NAALADL2: variants seen among roughly 807,000 people sequenced by gnomAD.
NAALADL2 encodes inactive N-acetylated-alpha-linked acidic dipeptidase-like protein 2.
NAALADL2 carries 76 observed loss-of-function variants against 87.2 expected under a neutral mutation model. The observed-to-expected ratio is 0.87, with a 90% confidence interval of 0.72 to 1.05. NAALADL2 has a LOEUF of 1.05. NAALADL2 is among the 50% of genes least tolerant of loss of function. The pLI, the probability that NAALADL2 is intolerant of heterozygous loss-of-function variation, is 0.00. For synonymous variants in NAALADL2, 354 were observed against 331.0 expected, an observed-to-expected ratio of 1.07 and a Z score of -0.75; for missense variants, 1,089 against 945.8, an observed-to-expected ratio of 1.15 and a Z score of -1.99.
At chr3:175,784,340 T>C (rs574382842) in intron 13 of NAALADL2, among the ~76,000 whole-genome samples, 5 of 152,176 alleles carry the variant, frequency 3.3e-5, no homozygotes, top group South Asian at 4.2e-4. Flanking sequence ...TCCTGGACTA[T>C]TTTTGGTTGG....
intron 7 of NAALADL2, among the ~76,000 whole-genome samples, chr3:175,465,334 T>A (rs765672461): frequency 2.0e-5 from 3 of 152,106 alleles, no homozygotes; most frequent in Non-Finnish European, 4.4e-5. Flanking sequence ...ATTAGCATTG[T>A]TTCTTAGATA....
At chr3:174,815,451 G>T (rs1413309930) in intron 3 of NAALADL2, among the ~76,000 whole-genome samples, 1 of 152,036 alleles carries the variant, frequency 6.6e-6, no homozygotes, top group African/African-American at 2.4e-5. Context: ...AAGAGATAGG[G>T]TCTTGCTGTC....
At position 175,588,088 on chromosome 3, in the gene NAALADL2, A is replaced by T. The variant is rs574011921; in HGVS notation, c.1800+11901A>T. ...ATTTAACTTTGAAAAACCTTGGGGTAAAAAAAAAAAAAAATGCCTAGACTG... is the reference window on the plus strand; with the variant it reads ...ATTTAACTTTGAAAAACCTTGGGGTTAAAAAAAAAAAAAATGCCTAGACTG... On this transcript the variant is annotated intron_variant, in intron 10 of 13. Coordinates refer to ENST00000454872, the MANE Select transcript of NAALADL2 (RefSeq NM_207015.3). Among the ~76,000 whole-genome samples the T allele has an allele frequency of 5.0e-3, 472 of 93,528 alleles. 2 individuals are homozygous for T. The highest frequency in any genetic ancestry group is 0.019 in the African/African-American group (446 of 23,458). 61.4% of individuals were successfully genotyped at this position (93,528 alleles called of 152,430 possible).
intron 2 of NAALADL2, among the ~76,000 whole-genome samples, chr3:174,644,416 AC>A (rs1490984874): frequency 1.3e-5 from 2 of 152,128 alleles, no homozygotes; most frequent in African/African-American, 4.8e-5. Context: ...TGGATCACCT[AC>A]TCATTGTTTT....
chr3:175,752,072 C>G (rs755454828), intron 12 of NAALADL2, among the ~76,000 whole-genome samples: 15 of 152,048 alleles, frequency 9.9e-5, no homozygotes, highest in Non-Finnish European at 1.5e-5. Flanking sequence ...TATAATAATA[C>G]ATTTCAAAAA....
intron 3 of NAALADL2, among the ~76,000 whole-genome samples, chr3:174,742,879 A>C (rs1313964706): frequency 2.6e-5 from 4 of 151,722 alleles, no homozygotes; most frequent in Non-Finnish European, 5.9e-5. Context: ...TTAATACAAA[A>C]TAACAATGAT....
At chr3:174,977,923 T>A (rs1744574873) in intron 1 of NAALADL2, among the ~76,000 whole-genome samples, 1 of 152,246 alleles carries the variant, frequency 6.6e-6, no homozygotes, top group African/African-American at 2.4e-5. Context: ...AATATTATAA[T>A]CTTTTTATAA....
chr3:175,620,268 G>C (rs1295267570), intron 10 of NAALADL2, among the ~76,000 whole-genome samples: 1 of 152,156 alleles, frequency 6.6e-6, no homozygotes, highest in African/African-American at 2.4e-5. Flanking sequence ...CGACCTGGCA[G>C]GCTGCACTCA....
intron 11 of NAALADL2, among the ~76,000 whole-genome samples, chr3:175,712,469 AG>A (rs1287424827): frequency 1.3e-5 from 2 of 152,088 alleles, no homozygotes; most frequent in Non-Finnish European, 2.9e-5. Context: ...AGGTGAGGAG[AG>A]GACCCATTTT....
At chr3:175,310,457 G>A (rs923173773) in intron 4 of NAALADL2, among the ~76,000 whole-genome samples, 1 of 151,908 alleles carries the variant, frequency 6.6e-6, no homozygotes, top group Admixed American at 6.6e-5. Context: ...AGAAAATGAT[G>A]TATGTCACTA....
intron 11 of NAALADL2, among the ~76,000 whole-genome samples, chr3:175,637,956 A>G (rs1728776268): frequency 6.6e-6 from 1 of 152,222 alleles, no homozygotes; most frequent in African/African-American, 2.4e-5. Context: ...TCAGTTATTA[A>G]CATCCAATTT....
intron 9 of NAALADL2, among the ~76,000 whole-genome samples, chr3:175,535,188 C>A (rs1668120558): frequency 6.6e-6 from 1 of 152,184 alleles, no homozygotes; most frequent in Admixed American, 6.5e-5. Flanking sequence ...TCCATATTTT[C>A]TCCTAATATG....
intron 11 of NAALADL2, among the ~76,000 whole-genome samples, chr3:175,699,611 C>T (rs1258339609): frequency 6.6e-6 from 1 of 151,982 alleles, no homozygotes; most frequent in African/African-American, 2.4e-5. Flanking sequence ...TTAGGTCTAT[C>T]ACAGATAAGA....
rs1754838220 is a variant in NAALADL2, at chr3:175,807,813, A to G, written c.*4610A>G. 1 of 151,940 alleles carries G rather than the reference A, an allele frequency of 6.6e-6. No homozygotes were observed. The highest frequency in any genetic ancestry group is 2.4e-5 in the African/African-American group (1 of 41,438). The allele number at this position is 151,940 out of a possible 1,614,324, so 9.4% of individuals were successfully genotyped here. ...TAAAAAAGCCTCATTAGAATTTGCT[A>G]TTCGAAAAGACCTTAAAAACCCTCA... On this transcript the variant is annotated 3_prime_UTR_variant, in exon 14 of 14. Transcript: ENST00000454872.
chr3:175,471,539 T>TTAAG, intron 8 of NAALADL2, 100 bp from the exon 9 acceptor site: 2 of 712,064 alleles, frequency 2.8e-6, no homozygotes, highest in Non-Finnish European at 4.7e-6. Context: ...TATAATAATT[T>TTAAG]TAAGTATGAA....
At chr3:175,375,264 A>T (rs1022637024) in intron 5 of NAALADL2, among the ~76,000 whole-genome samples, 1 of 152,126 alleles carries the variant, frequency 6.6e-6, no homozygotes, top group African/African-American at 2.4e-5. Flanking sequence ...TAGTTCTTAA[A>T]TGCTCCTTGA....
intron 1 of NAALADL2, among the ~76,000 whole-genome samples, chr3:174,900,187 G>A (rs559321433): frequency 2.6e-5 from 4 of 152,052 alleles, no homozygotes; most frequent in East Asian, 1.9e-4. Flanking sequence ...TAGTGAAAAC[G>A]TTAGAATTTT....
chr3:174,938,505 TG>T (rs1274205981), intron 1 of NAALADL2, among the ~76,000 whole-genome samples: 1 of 152,130 alleles, frequency 6.6e-6, no homozygotes, highest in Non-Finnish European at 1.5e-5. Flanking sequence ...TGTGTCTGTA[TG>T]ATAGAATGAT....
intron 1 of NAALADL2, chr3:174,513,603 T>C (rs1719746461): frequency 6.6e-6 from 1 of 152,212 alleles, no homozygotes; most frequent in East Asian, 1.9e-4. Flanking sequence ...TCAATATTGC[T>C]GCTTTCTGTG....
Sources: allele counts gnomAD v4.1 joint callset (sites outside exome capture counted in the v4.1 genomes callset), GRCh38; gene constraint gnomAD v4.1.1; transcripts MANE v1.5; gene names NCBI Gene and HGNC (gene_info 2026-07-23, HGNC 2026-07-21).